Variants in MORC4 observed in about 807,000 individuals in gnomAD.
MORC4 encodes MORC family CW-type zinc finger 4.
In MORC4, 22 loss-of-function variants were observed where a neutral mutation model predicts 65.5. The observed-to-expected ratio is 0.34, with a 90% CI of 0.24 to 0.48. The LOEUF (loss-of-function observed/expected upper bound fraction) is 0.48. Ranked by LOEUF, MORC4 falls within the 20% of genes least tolerant of loss-of-function variation. The pLI is 0.99. For synonymous variants in MORC4, 267 were observed against 255.8 expected (o/e 1.04, Z -0.42); for missense variants, 624 against 703.0 (o/e 0.89, Z 1.27).
intron 9 of MORC4, among the ~76,000 whole-genome samples, chrX:106,966,058 T>G (rs1203101857): frequency 8.9e-6 from 1 of 111,858 alleles, no homozygotes; most frequent in African/African-American, 3.3e-5. Context: ...TTGCTGCTTA[T>G]GTAAAATGCA....
intron 9 of MORC4, among the ~76,000 whole-genome samples, chrX:106,966,895 A>G (rs985641887): frequency 1.8e-5 from 2 of 112,775 alleles, no homozygotes; most frequent in African/African-American, 6.4e-5. Flanking sequence ...AACAAAAGGC[A>G]GCAGACAGCT....
intron 2 of MORC4, 61 bp downstream of exon 2, chrX:106,999,616 C>CGGCACCACGCT (rs1297516088): frequency 1.9e-6 from 2 of 1,058,136 alleles, no homozygotes; most frequent in East Asian, 4.1e-5. Flanking sequence ...CTCGCGTCCG[C>CGGCACCACGCT]GGCACCACGC....
intron 14 of MORC4, among the ~76,000 whole-genome samples, chrX:106,950,678 C>A (rs1933947108): frequency 1.8e-5 from 2 of 111,448 alleles, no homozygotes; most frequent in South Asian, 7.6e-4. Context: ...GAAGAGAGAC[C>A]CAGTCTTCGT....
rs972834159 is a variant in MORC4, at chrX:106,993,330, T to C, written c.208A>G (p.Thr70Ala). ...NAVDPDVSAR[T>A]VFIDVEEVKN... Reference sequence around the variant, plus strand: ...ACCTCCTCAACATCTATAAAGACCGTCCTGGCAGATACATCTGGATCTACA... The same window carrying C: ...ACCTCCTCAACATCTATAAAGACCGCCCTGGCAGATACATCTGGATCTACA... Residue 70 changes from threonine to alanine, a missense_variant, in exon 3 of 17, where the codon ACG becomes GCG. By Grantham distance (58) the Thr-to-Ala change is moderately conservative (BLOSUM62 0). Coordinates refer to ENST00000355610, the MANE Select transcript of MORC4 (RefSeq NM_024657.5). 4 of 1,209,909 alleles carry C rather than the reference T, an allele frequency of 3.3e-6. No individual in the cohort carries two copies. The highest frequency in any genetic ancestry group is 4.5e-6 in the Non-Finnish European group (4 of 894,110).
At chrX:106,941,826 T>G in intron 16 of MORC4, 112 bp downstream of exon 16, 1 of 895,308 alleles carries the variant, frequency 1.1e-6, no homozygotes. Flanking sequence ...ACTCAATTCT[T>G]GGTGGCCTGT....
chrX:106,985,932 C>T (rs750127772), intron 4 of MORC4, 51 bp downstream of exon 4: 85 of 1,027,710 alleles, frequency 8.3e-5, no homozygotes, highest in Non-Finnish European at 1.1e-4. Flanking sequence ...TAATCAAACA[C>T]TCAGATTAGA....
Position 106,959,966 on chromosome X carries a change from C to G in MORC4, c.1257-1502G>C, listed in dbSNP as rs1300318313. 2.7e-5 allele frequency among the ~76,000 whole-genome samples: 3 copies of G among 112,716 alleles called. No homozygotes were observed. In the East Asian group the frequency reaches 8.3e-4, roughly 31 times the overall value. On this transcript the variant is annotated intron_variant, in intron 10 of 16. Transcript: ENST00000355610. ...TACCACTGAAATACAATGCCCTCTT[C>G]TTTTTTTGAAACTCTGTTTGAACAA...
chrX:106,953,739 C>A (rs977961062), intron 14 of MORC4, among the ~76,000 whole-genome samples: 19 of 111,161 alleles, frequency 1.7e-4, no homozygotes, highest in African/African-American at 6.2e-4. Context: ...AACAAACCAA[C>A]CAACCAGGAG....
chrX:106,970,054 T>G (rs1458792485), intron 9 of MORC4, among the ~76,000 whole-genome samples: 2 of 111,835 alleles, frequency 1.8e-5, no homozygotes, highest in African/African-American at 6.5e-5. Flanking sequence ...ATATCCCTGA[T>G]GAACATCGAT....
At chrX:106,947,491 T>C (rs1336871356) in intron 14 of MORC4, among the ~76,000 whole-genome samples, 3 of 100,791 alleles carry the variant, frequency 3.0e-5, no homozygotes, top group African/African-American at 1.1e-4. Flanking sequence ...TACAATTCTG[T>C]CTGTTTTTGC....
intron 4 of MORC4, 47 bp from the exon 5 acceptor site, chrX:106,985,290 T>C (rs745774157): frequency 3.1e-6 from 3 of 980,661 alleles, no homozygotes; most frequent in East Asian, 3.2e-5. Flanking sequence ...TAGGATGCTA[T>C]TGAGAAGGAA....
At chrX:106,941,699 A>AGCCAGGCTGGGCCACCTTGGGTTTCTG in intron 16 of MORC4, 67 bp from the exon 17 acceptor site, 1 of 1,062,782 alleles carries the variant, frequency 9.4e-7, no homozygotes, top group Non-Finnish European at 1.3e-6. Flanking sequence ...GAATAAAATG[A>AGCCAGGCTGGGCCACCTTGGGTTTCTG]AGCCCCTTCA....
At chrX:106,996,182 C>A (rs867663050) in intron 2 of MORC4, among the ~76,000 whole-genome samples, 3 of 85,243 alleles carry the variant, frequency 3.5e-5, no homozygotes, top group Non-Finnish European at 6.9e-5. Flanking sequence ...TTACTAGGTA[C>A]TTTTTTTTTT....
rs1213382304 is a variant in MORC4, at chrX:106,942,078, C to T, written c.2520G>A (p.Gln840=). The T allele has an allele frequency of 1.7e-6, 2 of 1,211,455 alleles. No individual in the cohort carries two copies. The highest frequency in any genetic ancestry group is 2.2e-6 in the Non-Finnish European group (2 of 895,455). ...TTCTTTCCAGCTCAGCTTTCAGAATCTGGAATTCAGCTTGGCGATAACCCA... is the reference window on the plus strand; with the variant it reads ...TTCTTTCCAGCTCAGCTTTCAGAATTTGGAATTCAGCTTGGCGATAACCCA... The part of the protein sequence containing the change: ...KHMGYRQAEF[Q]ILKAELERTK... The change falls in exon 16 of 17, where the codon CAG becomes CAA. Residue 840 remains glutamine, a synonymous_variant. Coordinates refer to ENST00000355610, the MANE Select transcript of MORC4 (RefSeq NM_024657.5).
intron 14 of MORC4, among the ~76,000 whole-genome samples, chrX:106,945,301 G>A (rs773036255): frequency 8.1e-5 from 9 of 110,854 alleles, no homozygotes; most frequent in Non-Finnish European, 1.5e-4. Context: ...GATGCCTTTT[G>A]ACTGGAGTGC....
At chrX:106,979,735 G>C (rs1445590246) in intron 7 of MORC4, among the ~76,000 whole-genome samples, 3 of 110,552 alleles carry the variant, frequency 2.7e-5, no homozygotes, top group Non-Finnish European at 5.7e-5. Flanking sequence ...TTCCCTGATA[G>C]AAACCCACAA....
intron 2 of MORC4, among the ~76,000 whole-genome samples, chrX:106,993,627 T>A (rs1360575721): frequency 8.9e-6 from 1 of 111,895 alleles, no homozygotes; most frequent in African/African-American, 3.2e-5. Context: ...CTTCAGGGTC[T>A]TTGGAAAAAA....
At chrX:106,990,879 ATTT>A (rs951783170) in intron 3 of MORC4, among the ~76,000 whole-genome samples, 1 of 110,372 alleles carries the variant, frequency 9.1e-6, no homozygotes, top group African/African-American at 3.3e-5. Flanking sequence ...TCTCAAAAAA[ATTT>A]TTTTTTAATT....
intron 3 of MORC4, 147 bp from the exon 4 acceptor site, chrX:106,986,347 A>G: frequency 2.2e-6 from 1 of 462,988 alleles, no homozygotes; most frequent in East Asian, 3.7e-5. Context: ...TTTGGTATTT[A>G]TGGGCAAAAC....
Sources: allele counts gnomAD v4.1 joint callset (sites outside exome capture counted in the v4.1 genomes callset), GRCh38; gene constraint gnomAD v4.1.1; transcripts MANE v1.5; gene names NCBI Gene and HGNC (gene_info 2026-07-23, HGNC 2026-07-21).